EEIG2: variants seen among roughly 807,000 people sequenced by gnomAD.
EEIG2 encodes EEIG family member 2.
At chr1:108,575,899 A>T in the EEIG2 span, among the ~76,000 whole-genome samples, 1 of 152,190 alleles carries the variant, frequency 6.6e-6, no homozygotes, top group East Asian at 1.9e-4. Flanking sequence ...CGATAGTTTC[A>T]CAAACAATAT....
the EEIG2 span, among the ~76,000 whole-genome samples, chr1:108,602,720 A>T: frequency 6.6e-6 from 1 of 151,992 alleles, no homozygotes; most frequent in African/African-American, 2.4e-5. Flanking sequence ...TCTCCATAAA[A>T]AATACAAAAA....
chr1:108,563,799 A>G, the EEIG2 span, among the ~76,000 whole-genome samples: 7 of 152,252 alleles, frequency 4.6e-5, no homozygotes, highest in Non-Finnish European at 1.0e-4. Flanking sequence ...TCATAGATGT[A>G]TAATTGCTTG....
At chr1:108,612,808 G>C in the EEIG2 span, among the ~76,000 whole-genome samples, 1 of 152,196 alleles carries the variant, frequency 6.6e-6, no homozygotes, top group African/African-American at 2.4e-5. Context: ...TATTAAATGA[G>C]ATTAATTGAG....
the EEIG2 span, among the ~76,000 whole-genome samples, chr1:108,582,110 A>AT: frequency 6.6e-6 from 1 of 152,194 alleles, no homozygotes; most frequent in Non-Finnish European, 1.5e-5. Flanking sequence ...GATTGTTGGC[A>AT]TTTTTTAGCA....
the EEIG2 span, chr1:108,629,897 A>G: frequency 6.0e-6 from 3 of 503,662 alleles, no homozygotes; most frequent in South Asian, 2.0e-5. Context: ...TTTAAAGGGT[A>G]TTAGTCAAGG....
the EEIG2 span, among the ~76,000 whole-genome samples, chr1:108,590,015 G>A: frequency 6.6e-6 from 1 of 151,834 alleles, no homozygotes; most frequent in South Asian, 2.1e-4. Context: ...CTGTGTATCT[G>A]TCTGCCTCCT....
chr1:108,567,896 G>T, the EEIG2 span, among the ~76,000 whole-genome samples: 3 of 152,138 alleles, frequency 2.0e-5, no homozygotes, highest in Non-Finnish European at 4.4e-5. Flanking sequence ...TACTCAGGGA[G>T]ACTGAGGTGG....
chr1:108,560,656 T>C, the EEIG2 span: 1 of 1,446,420 alleles, frequency 6.9e-7, no homozygotes, highest in African/African-American at 1.4e-5. Context: ...TTGCTCGCCT[T>C]TCCCTAGGGA....
chr1:108,627,140 C>T, the EEIG2 span: 2 of 152,124 alleles, frequency 1.3e-5, no homozygotes, highest in African/African-American at 2.4e-5. Flanking sequence ...ATGTGGATGA[C>T]TTAAGATCTG....
chr1:108,571,924 C>T, the EEIG2 span, among the ~76,000 whole-genome samples: 1 of 152,134 alleles, frequency 6.6e-6, no homozygotes, highest in Non-Finnish European at 1.5e-5. Context: ...TTGATCCTGT[C>T]CTTGTTTACC....
the EEIG2 span, among the ~76,000 whole-genome samples, chr1:108,631,557 G>T: frequency 6.6e-6 from 1 of 152,162 alleles, no homozygotes; most frequent in Non-Finnish European, 1.5e-5. Context: ...TAAAAAATAA[G>T]TGGGGGGCTT....
At chr1:108,581,728 A>C in the EEIG2 span, among the ~76,000 whole-genome samples, 1 of 152,202 alleles carries the variant, frequency 6.6e-6, no homozygotes, top group Non-Finnish European at 1.5e-5. Context: ...GCTTCTCTAC[A>C]TATGAGCAAA....
the EEIG2 span, among the ~76,000 whole-genome samples, chr1:108,623,452 G>A: frequency 1.3e-5 from 2 of 152,100 alleles, no homozygotes; most frequent in South Asian, 4.2e-4. Flanking sequence ...CCATGATTGC[G>A]CCACCGCACT....
the EEIG2 span, chr1:108,627,890 C>A: frequency 2.7e-6 from 1 of 373,332 alleles, no homozygotes; most frequent in Non-Finnish European, 4.9e-6. Context: ...TTTTGAACAA[C>A]AGGAGTTTAT....
At chr1:108,567,168 T>A in the EEIG2 span, among the ~76,000 whole-genome samples, 1 of 152,080 alleles carries the variant, frequency 6.6e-6, no homozygotes, top group East Asian at 1.9e-4. Flanking sequence ...AATAAAAAAT[T>A]TTTTAATTAA....
At chr1:108,597,937 A>C in the EEIG2 span, among the ~76,000 whole-genome samples, 1 of 152,226 alleles carries the variant, frequency 6.6e-6, no homozygotes, top group Non-Finnish European at 1.5e-5. Context: ...TGAAGGGTCC[A>C]GGACATCAGT....
the EEIG2 span, among the ~76,000 whole-genome samples, chr1:108,611,841 C>T: frequency 6.6e-6 from 1 of 152,108 alleles, no homozygotes; most frequent in Non-Finnish European, 1.5e-5. Context: ...GTAAATACCA[C>T]TATTTGCAAT....
At chr1:108,572,557 G>T in the EEIG2 span, among the ~76,000 whole-genome samples, 12 of 151,882 alleles carry the variant, frequency 7.9e-5, no homozygotes, top group African/African-American at 2.9e-4. Flanking sequence ...TAAAAATCTT[G>T]TGTGTTCCAC....
At chr1:108,581,280 C>T in the EEIG2 span, among the ~76,000 whole-genome samples, 58 of 152,272 alleles carry the variant, frequency 3.8e-4, 1 homozygote, top group East Asian at 8.1e-3. Context: ...CCCAAGAGCT[C>T]TAATGAACAT....
Sources: allele counts gnomAD v4.1 joint callset (sites outside exome capture counted in the v4.1 genomes callset), GRCh38; gene constraint gnomAD v4.1.1; transcripts MANE v1.5; gene names NCBI Gene and HGNC (gene_info 2026-07-23, HGNC 2026-07-21).